CNBD1: variants seen among roughly 807,000 people sequenced by gnomAD.
The protein encoded by CNBD1 is cyclic nucleotide binding domain containing 1, also known as cyclic nucleotide-binding domain-containing protein 1.
CNBD1 carries 71 observed loss-of-function variants against 54.4 expected under a neutral mutation model. That is an observed-to-expected ratio of 1.30 (90% CI 1.08 to 1.59). CNBD1 has a LOEUF of 1.59. CNBD1 is among the 40% of genes most tolerant of loss of function. The pLI, the probability that CNBD1 is intolerant of heterozygous loss-of-function variation, is 0.00. For synonymous variants in CNBD1, 182 were observed against 170.7 expected (o/e 1.07, Z -0.51); for missense variants, 659 against 518.0 (o/e 1.27, Z -2.64).
At chr8:87,367,410 C>T in intron 10 of CNBD1, among the ~76,000 whole-genome samples, 1 of 152,088 alleles carries the variant, frequency 6.6e-6, no homozygotes, top group Middle Eastern at 3.4e-3. Flanking sequence ...CATTACATCC[C>T]CTTGCAGATG....
intron 2 of CNBD1, among the ~76,000 whole-genome samples, chr8:87,399,462 C>T (rs1368218869): frequency 6.6e-6 from 1 of 151,912 alleles, no homozygotes; most frequent in Non-Finnish European, 1.5e-5. Flanking sequence ...TGAAATAAAT[C>T]AATACAATTT....
rs1290100295 is a variant in CNBD1 at position 87,276,382 on chromosome 8, A to AT, written c.772-8291dup. ...ATTACAAGCAATAATTTATGTAGAAATTTTTGGTTTACTTTACCAGAATCT... is the reference window on the plus strand; with the variant it reads ...ATTACAAGCAATAATTTATGTAGAAATTTTTTGGTTTACTTTACCAGAATCT... On this transcript the variant is annotated intron_variant, in intron 6 of 10. Coordinates refer to ENST00000518476, the MANE Select transcript of CNBD1 (RefSeq NM_173538.3). 2.6e-4 allele frequency among the ~76,000 whole-genome samples: 40 copies of AT among 151,806 alleles called. No individual in the cohort carries two copies. In the Admixed American group the frequency reaches 2.6e-3, roughly 10 times the overall value.
rs1184189358 is a variant in CNBD1, at chr8:87,005,177, A to T, written c.431+65423A>T. ...GGCGGGTGGATCATGAGGTCAGGAG[A>T]TCGAGACCATGGTGAAACCCGGTCT... On this transcript the variant is annotated intron_variant, in intron 4 of 10. Transcript: ENST00000518476. Among the ~76,000 whole-genome samples, 3 of 151,822 alleles carry T rather than the reference A, an allele frequency of 2.0e-5. No homozygotes were observed. The East Asian group carries it at 5.8e-4, about 30-fold the overall frequency.
At chr8:87,098,292 T>C (rs114800431) in intron 4 of CNBD1, among the ~76,000 whole-genome samples, 1,905 of 152,330 alleles carry the variant, frequency 0.013, 51 homozygotes, top group African/African-American at 0.043. Context: ...ATTACTAGAC[T>C]ACTAACTACA....
At chr8:87,061,190 A>C (rs1260502266) in intron 4 of CNBD1, among the ~76,000 whole-genome samples, 1 of 152,156 alleles carries the variant, frequency 6.6e-6, no homozygotes, top group African/African-American at 2.4e-5. Flanking sequence ...TCTGCTCAAC[A>C]CTCACCAATC....
At position 86,972,142 on chromosome 8, in the gene CNBD1, G is replaced by T. The variant is rs570320407; in HGVS notation, c.431+32388G>T. 7.9e-5 allele frequency among the ~76,000 whole-genome samples: 12 copies of T among 152,078 alleles called. No homozygotes were observed. In the East Asian group the frequency reaches 9.7e-4, roughly 12 times the overall value. On this transcript the variant is annotated intron_variant, in intron 4 of 10. Coordinates refer to ENST00000518476, the MANE Select transcript of CNBD1 (RefSeq NM_173538.3). ...AATTTTTGAATTTTTAGTAGAGACG[G>T]GGTTTCACCATCTTGGCCAGGCTGA...
At chr8:87,246,796 G>C (rs772720752) in intron 6 of CNBD1, among the ~76,000 whole-genome samples, 2 of 152,006 alleles carry the variant, frequency 1.3e-5, no homozygotes, top group Non-Finnish European at 2.9e-5. Flanking sequence ...GACTAGGGGT[G>C]GGGGATGGTT....
chr8:87,270,273 A>T (rs1808335373), intron 6 of CNBD1, among the ~76,000 whole-genome samples: 1 of 145,782 alleles, frequency 6.9e-6, no homozygotes, highest in African/African-American at 2.8e-5. Flanking sequence ...ACAAGGAAAA[A>T]CAAACAACCT....
chr8:87,210,989 T>C (rs1814085926), intron 5 of CNBD1, among the ~76,000 whole-genome samples: 1 of 152,104 alleles, frequency 6.6e-6, no homozygotes, highest in Non-Finnish European at 1.5e-5. Context: ...CTCCTACCCC[T>C]GAGAGCAACC....
At chr8:87,129,069 C>CA (rs570657716) in intron 4 of CNBD1, among the ~76,000 whole-genome samples, 534 of 26,164 alleles carry the variant, frequency 0.02, 46 homozygotes, top group African/African-American at 0.067. Flanking sequence ...GACTCTGCCT[C>CA]AAAAAAAAAA....
chr8:87,113,049 A>G (rs1811696911), intron 4 of CNBD1, among the ~76,000 whole-genome samples: 1 of 152,218 alleles, frequency 6.6e-6, no homozygotes, highest in Non-Finnish European at 1.5e-5. Flanking sequence ...AAATTGCATC[A>G]TAGAGACTGT....
intron 4 of CNBD1, among the ~76,000 whole-genome samples, chr8:87,106,168 T>C (rs1811531495): frequency 7.6e-6 from 1 of 131,478 alleles, no homozygotes; most frequent in Non-Finnish European, 1.8e-5. Context: ...TTCCTTTCCA[T>C]TCCTTTCCAT....
intron 10 of CNBD1, among the ~76,000 whole-genome samples, chr8:87,364,309 G>A (rs1411233646): frequency 6.6e-6 from 1 of 151,508 alleles, no homozygotes. Context: ...TGATATTTTA[G>A]CCTGACAATA....
At chr8:87,156,578 A>C (rs868681086) in intron 4 of CNBD1, among the ~76,000 whole-genome samples, 1 of 151,914 alleles carries the variant, frequency 6.6e-6, no homozygotes, top group Non-Finnish European at 1.5e-5. Context: ...GATAAAATAC[A>C]CTTGTATTCA....
At chr8:87,261,923 A>T (rs530833216) in intron 6 of CNBD1, among the ~76,000 whole-genome samples, 8 of 151,194 alleles carry the variant, frequency 5.3e-5, no homozygotes, top group Admixed American at 2.0e-4. Flanking sequence ...AGGCAGGGAG[A>T]TTGCTTGAGC....
intron 2 of CNBD1, among the ~76,000 whole-genome samples, chr8:87,390,554 C>T (rs1014753068): frequency 3.3e-5 from 5 of 152,096 alleles, no homozygotes; most frequent in Non-Finnish European, 5.9e-5. Flanking sequence ...TCATCTCACA[C>T]CAGTTAGAAT....
In CNBD1 at chr8:87,163,400, ATCACT is replaced by A. The variant is rs1395805476; in HGVS notation, c.432-42589_432-42585del. 6.6e-6 allele frequency among the ~76,000 whole-genome samples: 1 copy of A among 151,908 alleles called. No individual in the cohort carries two copies. The highest frequency in any genetic ancestry group is 2.4e-5 in the African/African-American group (1 of 41,388). ...GATAGAGATTGCATTGAATCTGCAG[ATCACT>A]TCAGGTCATATGAATAATTTAATAT... On this transcript the variant is annotated intron_variant, in intron 4 of 10. Coordinates refer to ENST00000518476, the MANE Select transcript of CNBD1 (RefSeq NM_173538.3). The surrounding 1 kb of genome is among the most constrained non-coding windows in gnomAD (Gnocchi z 4.5).
intron 3 of CNBD1, among the ~76,000 whole-genome samples, chr8:86,937,640 C>T (rs966042202): frequency 3.3e-5 from 5 of 152,170 alleles, no homozygotes; most frequent in Non-Finnish European, 7.3e-5. Context: ...GGTTTGACCT[C>T]TACGTTGGCC....
chr8:87,359,643 C>T (rs1343121948), intron 10 of CNBD1, among the ~76,000 whole-genome samples: 7 of 152,028 alleles, frequency 4.6e-5, no homozygotes, highest in Admixed American at 4.6e-4. Context: ...CCATCTACTT[C>T]ATTTATTATT....
Sources: gnomAD v4.1 joint callset for allele counts (sites outside exome capture counted in the v4.1 genomes callset) on GRCh38, gnomAD v4.1.1 for gene constraint, Gnocchi (gnomAD v3.1) non-coding constraint, MANE v1.5 for transcripts, NCBI Gene and HGNC (gene_info 2026-07-23, HGNC 2026-07-21) for gene names.